The following FBXO31 variants were observed in gnomAD, a reference collection of about 807,000 sequenced individuals.
FBXO31 encodes the protein F-box protein 31.
In FBXO31, 24 loss-of-function variants were observed where a neutral mutation model predicts 54.4. The ratio of observed to expected loss-of-function variants is 0.44; its 90% CI spans 0.32 to 0.62. The LOEUF (loss-of-function observed/expected upper bound fraction) is 0.62. FBXO31 is among the 20% of genes least tolerant of loss of function. FBXO31 has a pLI of 0.05. For missense variants in FBXO31, 665 were observed against 787.1 expected (o/e 0.84, Z 1.86); for synonymous variants, 388 against 335.6 (o/e 1.16, Z -1.71).
chr16:87,383,364 A>ACCCCCCCCCCCCCCC lies in FBXO31; in HGVS notation c.340+40_340+41insGGGGGGGGGGGGGGG. The ACCCCCCCCCCCCCCC allele has an allele frequency of 7.5e-7, 1 of 1,329,446 alleles. No individual in the cohort carries two copies. Among genetic ancestry groups the ACCCCCCCCCCCCCCC allele is most frequent in the Middle Eastern group, 2.6e-4 (1 of 3,894 alleles). The allele number at this position is 1,329,446 out of a possible 1,614,324, so 82.4% of individuals were successfully genotyped here. A position where few individuals can be genotyped will look rare whatever the true frequency, so the allele number is the denominator to read the frequency against. ...GCTCCGAGGCCTCCACCTGGCAGGGACCCCCCGCCCCTCCCGGCCCCGCCA... is the reference window on the plus strand; with the variant it reads ...GCTCCGAGGCCTCCACCTGGCAGGGACCCCCCCCCCCCCCCCCCCCCGCCCCTCCCGGCCCCGCCA... On this transcript the variant is annotated intron_variant, in intron 1 of 8. Coordinates refer to ENST00000311635, the MANE Select transcript of FBXO31 (RefSeq NM_024735.5). This position sits in a 1 kb window ranked among gnomAD's most constrained non-coding sequence, Gnocchi z 4.9.
In FBXO31 at chr16:87,383,758, G is replaced by T. The variant is rs1348170922; in HGVS notation, c.-14C>A. ...ACACACCGCCATGCCGCCCAGTGAC[G>T]GCCACTGCTGCCGCCTGTGCGCACG... On this transcript the variant is annotated 5_prime_UTR_variant, in exon 1 of 9. Coordinates refer to ENST00000311635, the MANE Select transcript of FBXO31 (RefSeq NM_024735.5). This position sits in a 1 kb window ranked among gnomAD's most constrained non-coding sequence, Gnocchi z 4.9. The T allele has an allele frequency of 4.2e-6, 5 of 1,196,822 alleles. No homozygotes were observed. The highest frequency in any genetic ancestry group is 3.7e-5 in the East Asian group (1 of 27,032). 74.1% of individuals were successfully genotyped at this position (1,196,822 alleles called of 1,614,324 possible).
At chr16:87,379,677 G>A (rs578234398) in intron 1 of FBXO31, among the ~76,000 whole-genome samples, 3 of 152,108 alleles carry the variant, frequency 2.0e-5, no homozygotes, top group Admixed American at 1.3e-4. Context: ...CAGGGTCTGT[G>A]GGACAGACCC....
intron 1 of FBXO31, among the ~76,000 whole-genome samples, chr16:87,366,319 C>T (rs1220344822): frequency 1.3e-5 from 2 of 152,210 alleles, no homozygotes; most frequent in Non-Finnish European, 2.9e-5. Flanking sequence ...ACTCTCTGCC[C>T]TTCCTTGCAA....
chr16:87,350,679 C>T (rs1047081181), intron 2 of FBXO31, among the ~76,000 whole-genome samples: 2 of 152,100 alleles, frequency 1.3e-5, no homozygotes, highest in Non-Finnish European at 2.9e-5. Flanking sequence ...GACAATTCTT[C>T]CAACTTTTCT....
chr16:87,335,495 G>C lies in FBXO31; in HGVS notation c.843-38C>G. 6.3e-7 allele frequency: 1 copy of C among 1,586,212 alleles called. No individual in the cohort carries two copies. Among genetic ancestry groups the C allele is most frequent in the Non-Finnish European group, 8.6e-7 (1 of 1,166,308 alleles). On this transcript the variant is annotated intron_variant, in intron 6 of 8. Coordinates refer to ENST00000311635, the MANE Select transcript of FBXO31 (RefSeq NM_024735.5). The surrounding 1 kb of genome is among the most constrained non-coding windows in gnomAD (Gnocchi z 5.7). ...GACGGGTCAGTACAGGAGACCTCGT[G>C]GGGCAGGCAGGACTGAGAACGCCCA...
At chr16:87,381,229 A>G (rs112633232) in intron 1 of FBXO31, among the ~76,000 whole-genome samples, 4 of 152,242 alleles carry the variant, frequency 2.6e-5, no homozygotes, top group African/African-American at 7.2e-5. Flanking sequence ...AGTTCTCACA[A>G]TTTGTAAGAC....
At chr16:87,369,875 C>A (rs1269935108) in intron 1 of FBXO31, among the ~76,000 whole-genome samples, 8 of 148,612 alleles carry the variant, frequency 5.4e-5, no homozygotes, top group Non-Finnish European at 1.2e-4. Context: ...AAGAAAATTT[C>A]AAAAAAAAAA....
At chr16:87,381,069 G>A (rs930801168) in intron 1 of FBXO31, among the ~76,000 whole-genome samples, 22 of 152,154 alleles carry the variant, frequency 1.4e-4, no homozygotes, top group Admixed American at 7.9e-4. Flanking sequence ...TGGGGAATCT[G>A]AGTCTTACAG....
At chr16:87,365,319 C>T (rs1797017309) in intron 1 of FBXO31, among the ~76,000 whole-genome samples, 1 of 151,732 alleles carries the variant, frequency 6.6e-6, no homozygotes, top group Non-Finnish European at 1.5e-5. Flanking sequence ...CTCCTTAAAA[C>T]AAATATTACT....
chr16:87,331,569 A>G (rs1904860936), intron 8 of FBXO31, 59 bp from the exon 9 acceptor site: 1 of 1,399,716 alleles, frequency 7.1e-7, no homozygotes, highest in Non-Finnish European at 9.8e-7. Context: ...AATGCACGCC[A>G]CGTACAGCAT....
chr16:87,357,226 C>T (rs1364532737), intron 2 of FBXO31, among the ~76,000 whole-genome samples: 1 of 149,808 alleles, frequency 6.7e-6, no homozygotes, highest in East Asian at 2.0e-4. Flanking sequence ...ACCTGGGCAA[C>T]AAGACAGACC....
intron 1 of FBXO31, among the ~76,000 whole-genome samples, chr16:87,365,034 TATATATCAGGCAGGCCACCCA>T (rs1906303640): frequency 8.9e-6 from 1 of 112,064 alleles, no homozygotes; most frequent in African/African-American, 3.5e-5. Flanking sequence ...TATATATATA[TATATATCAGGCAGGCCACCCA>T]ATAATTACAG....
At position 87,343,701 on chromosome 16, in the gene FBXO31, G is replaced by C. The variant is rs1342589854; in HGVS notation, c.554C>G (p.Pro185Arg). The C allele has an allele frequency of 1.2e-6, 2 of 1,614,268 alleles. No homozygotes were observed. The highest frequency in any genetic ancestry group is 8.5e-7 in the Non-Finnish European group (1 of 1,180,044). The change falls in exon 4 of 9, where the codon CCT becomes CGT. Residue 185 changes from proline to arginine, a missense_variant. This residue lies in a region of FBXO31 where 234 missense variants were observed against 346.8 expected (regional missense o/e 0.67). Transcript: ENST00000311635. ...CCTGAACAGAGGCTTGAATCTCATA[G>C]GGTCATCGACGTGGGGGTCATGGGG... ...LPPHDPHVDD[P>R]MRFKPLFRIH...
At chr16:87,360,499 G>A in intron 1 of FBXO31, 133 bp from the exon 2 acceptor site, 1 of 705,430 alleles carries the variant, frequency 1.4e-6, no homozygotes, top group Non-Finnish European at 2.5e-6. Flanking sequence ...ATCTGTCACT[G>A]TGGAGATTTC....
At chr16:87,376,233 G>C (rs1029345080) in intron 1 of FBXO31, among the ~76,000 whole-genome samples, 3 of 151,484 alleles carry the variant, frequency 2.0e-5, no homozygotes, top group African/African-American at 4.9e-5. Context: ...CATTTTTGTT[G>C]CTTGCTCTCT....
chr16:87,345,168 G>A lies in FBXO31; in HGVS notation c.490-1403C>T, dbSNP rs969165446. On this transcript the variant is annotated intron_variant, in intron 3 of 8. Transcript: ENST00000311635. This position sits in a 1 kb window ranked among gnomAD's most constrained non-coding sequence, Gnocchi z 4.9. ...GCTCAGCCCCTGGTCCCACAAAAGGGAGCGGAGCACAATCCCAACACCAGC... is the reference window on the plus strand; with the variant it reads ...GCTCAGCCCCTGGTCCCACAAAAGGAAGCGGAGCACAATCCCAACACCAGC... Among the ~76,000 whole-genome samples, 1 of 152,182 alleles carries A rather than the reference G, an allele frequency of 6.6e-6. No homozygotes were observed. The highest frequency in any genetic ancestry group is 1.5e-5 in the Non-Finnish European group (1 of 68,044).
chr16:87,368,471 A>G (rs1442323779), intron 1 of FBXO31, among the ~76,000 whole-genome samples: 1 of 152,188 alleles, frequency 6.6e-6, no homozygotes, highest in Non-Finnish European at 1.5e-5. Flanking sequence ...AAAGACTGGC[A>G]AGTGATAACT....
rs1170863861 is a variant in FBXO31 at position 87,334,132 on chromosome 16, C to T, written c.1151G>A (p.Gly384Asp). The T allele has an allele frequency of 1.9e-6, 3 of 1,611,724 alleles. No individual in the cohort carries two copies. The highest frequency in any genetic ancestry group is 2.2e-5 in the East Asian group (1 of 44,854). The change falls in exon 8 of 9, where the codon GGC becomes GAC. Residue 384 changes from glycine to aspartate, a missense_variant. Around this residue, in one of 4 missense-constraint regions of FBXO31, gnomAD observed 165 missense variants for 159.7 expected, o/e 1.03. Transcript: ENST00000311635. Reference sequence around the variant, plus strand: ...ACGACCCTCGCCCGCCTCGTGCCCGCCTTCCTGCTGCTCCTGGCGCACCCT... The same window carrying T: ...ACGACCCTCGCCCGCCTCGTGCCCGTCTTCCTGCTGCTCCTGGCGCACCCT... ...RERVRQEQQE[G>D]GHEAGEGRGR...
At chr16:87,357,529 T>C (rs1567478945) in intron 2 of FBXO31, among the ~76,000 whole-genome samples, 1 of 152,076 alleles carries the variant, frequency 6.6e-6, no homozygotes, top group South Asian at 2.1e-4. Flanking sequence ...AGTTTCACCA[T>C]GTTGGCCAGA....
Sources: allele counts gnomAD v4.1 joint callset (sites outside exome capture counted in the v4.1 genomes callset), GRCh38; gene constraint gnomAD v4.1.1; regional missense constraint gnomAD v4.1.1; non-coding constraint Gnocchi (gnomAD v3.1); transcripts MANE v1.5; gene names NCBI Gene and HGNC (gene_info 2026-07-23, HGNC 2026-07-21).